The following SRFBP1 variants were observed in gnomAD, a reference collection of about 807,000 sequenced individuals.
SRFBP1 encodes serum response factor binding protein 1.
SRFBP1 carries 47 observed loss-of-function variants against 45.5 expected under a neutral mutation model. That is an observed-to-expected ratio of 1.03 (90% CI 0.82 to 1.32). The LOEUF (loss-of-function observed/expected upper bound fraction) is 1.32, where lower values mean the gene tolerates loss of function less well. SRFBP1 is among the 40% of genes most tolerant of loss of function. The probability of loss-of-function intolerance (pLI) is 0.00; values close to 1 mark genes in which losing one functional copy is unlikely to be tolerated. For missense variants in SRFBP1, 621 were observed against 484.6 expected (o/e 1.28, Z -2.64); for synonymous variants, 203 against 166.3 (o/e 1.22, Z -1.70).
intron 7 of SRFBP1, among the ~76,000 whole-genome samples, chr5:122,023,228 C>T (rs1337820315): frequency 2.6e-5 from 4 of 152,198 alleles, no homozygotes; most frequent in Non-Finnish European, 5.9e-5. Context: ...ATAACTTTTT[C>T]TTCCAGTGAC....
chr5:122,042,625 T>C (rs1181350207), intron 2 of SRFBP1, among the ~76,000 whole-genome samples: 2 of 152,218 alleles, frequency 1.3e-5, no homozygotes, highest in African/African-American at 4.8e-5. Flanking sequence ...TATTTGTGTT[T>C]TATACTTCTT....
Position 121,961,989 on chromosome 5 carries a change from C to A in SRFBP1, c.-44C>A. 1 of 1,613,272 alleles carries A rather than the reference C, an allele frequency of 6.2e-7. No individual in the cohort carries two copies. Among genetic ancestry groups the A allele is most frequent in the Non-Finnish European group, 8.5e-7 (1 of 1,179,760 alleles). On this transcript the variant is annotated 5_prime_UTR_variant, in exon 1 of 8. Coordinates refer to ENST00000339397, the MANE Select transcript of SRFBP1 (RefSeq NM_152546.3). ...GCGACGCAGCCGCGGTCTGAGAGACCGGTTCACGTGCAGGCAGCGGCGGAT... is the reference window on the plus strand; with the variant it reads ...GCGACGCAGCCGCGGTCTGAGAGACAGGTTCACGTGCAGGCAGCGGCGGAT...
chr5:121,988,988 A>G (rs1027492365), intron 3 of SRFBP1, among the ~76,000 whole-genome samples: 4 of 152,170 alleles, frequency 2.6e-5, no homozygotes, highest in Admixed American at 6.5e-5. Flanking sequence ...ATTTGCAGTT[A>G]TATTCAATTT....
chr5:122,059,352 G>C (rs1754135509), intron 2 of SRFBP1, among the ~76,000 whole-genome samples: 1 of 152,046 alleles, frequency 6.6e-6, no homozygotes, highest in African/African-American at 2.4e-5. Flanking sequence ...TGAGGAAACT[G>C]TACCATGTAT....
chr5:122,074,938 C>T (rs1173470054), intron 2 of SRFBP1, among the ~76,000 whole-genome samples: 3 of 152,204 alleles, frequency 2.0e-5, no homozygotes, highest in Non-Finnish European at 4.4e-5. Context: ...GAAAAGGCAA[C>T]CACCTTGGGC....
At chr5:122,062,676 A>T (rs1210347254) in intron 2 of SRFBP1, among the ~76,000 whole-genome samples, 1 of 151,902 alleles carries the variant, frequency 6.6e-6, no homozygotes, top group Admixed American at 6.6e-5. Context: ...TACCTGCAAG[A>T]CTCCTTAAGG....
At chr5:122,024,255 C>G (rs984253692) in intron 7 of SRFBP1, among the ~76,000 whole-genome samples, 4 of 152,206 alleles carry the variant, frequency 2.6e-5, no homozygotes, top group Non-Finnish European at 5.9e-5. Flanking sequence ...TCACTGACAA[C>G]AGTTTTACCT....
chr5:121,999,026 A>C (rs78544925), intron 4 of SRFBP1, among the ~76,000 whole-genome samples: 5,807 of 152,082 alleles, frequency 0.038, 312 homozygotes, highest in African/African-American at 0.11. Context: ...TACATTCTTT[A>C]GATCTTCTTG....
chr5:122,053,001 C>A (rs998065810), intron 2 of SRFBP1, among the ~76,000 whole-genome samples: 3 of 151,828 alleles, frequency 2.0e-5, no homozygotes, highest in Admixed American at 6.6e-5. Flanking sequence ...CTAGTCAGCT[C>A]CTGGGCCTTG....
At position 122,019,275 on chromosome 5, in the gene SRFBP1, A is replaced by G. The variant is rs1379515839; in HGVS notation, c.286A>G (p.Thr96Ala). Reference protein sequence around the residue: ...KIFKKPDSTATERAIARLAVH... With the variant: ...KIFKKPDSTAAERAIARLAVH... ...AAATTTGCAGCCAGATTCTACTGCA[A>G]CTGAAAGAGCAATTGCCAGACTAGC... Residue 96 changes from threonine (T) to alanine (A), a missense_variant, in exon 5 of 8, where the codon ACT becomes GCT. Transcript: ENST00000339397. The G allele has an allele frequency of 1.2e-6, 2 of 1,612,564 alleles. No homozygotes were observed. The highest frequency in any genetic ancestry group is 1.7e-6 in the Non-Finnish European group (2 of 1,179,152).
chr5:122,072,395 A>G (rs565796233), intron 2 of SRFBP1, among the ~76,000 whole-genome samples: 31 of 152,336 alleles, frequency 2.0e-4, no homozygotes, highest in African/African-American at 7.0e-4. Context: ...TAAATCAGCA[A>G]TTTGAGTTTT....
chr5:121,976,902 A>G (rs1487760890), intron 3 of SRFBP1, among the ~76,000 whole-genome samples: 2 of 151,368 alleles, frequency 1.3e-5, no homozygotes, highest in Non-Finnish European at 2.9e-5. Flanking sequence ...CACACACACT[A>G]CATTCTTTCC....
intron 1 of SRFBP1, among the ~76,000 whole-genome samples, chr5:121,963,106 A>T (rs544576934): frequency 3.3e-4 from 51 of 152,314 alleles, no homozygotes; most frequent in Non-Finnish European, 1.9e-4. Context: ...AGGAAAGGGG[A>T]AGAAGTCATT....
At chr5:121,988,595 A>C (rs1421436273) in intron 3 of SRFBP1, among the ~76,000 whole-genome samples, 1 of 152,238 alleles carries the variant, frequency 6.6e-6, no homozygotes, top group Admixed American at 6.5e-5. Context: ...CTAGGTGTTG[A>C]GGGTTTTTAT....
At chr5:122,046,356 TC>T (rs1217603126) in intron 2 of SRFBP1, among the ~76,000 whole-genome samples, 1 of 152,164 alleles carries the variant, frequency 6.6e-6, no homozygotes, top group Admixed American at 6.5e-5. Context: ...TTCATCCATG[TC>T]CCTACAAAGG....
intron 4 of SRFBP1, among the ~76,000 whole-genome samples, chr5:122,007,455 C>T (rs1019681270): frequency 2.0e-5 from 3 of 151,982 alleles, no homozygotes; most frequent in Non-Finnish European, 4.4e-5. Context: ...CTGGTGCTGA[C>T]ATGGTGTCTG....
At chr5:122,029,657 G>C (rs1476815131), downstream of SRFBP1, among the ~76,000 whole-genome samples, 2 of 152,108 alleles carry the variant, frequency 1.3e-5, no homozygotes, top group African/African-American at 2.4e-5. Context: ...CTATGGTTTG[G>C]AAACTTCAGG....
At chr5:122,064,039 A>T (rs1415412120) in intron 2 of SRFBP1, 4 of 151,950 alleles carry the variant, frequency 2.6e-5, no homozygotes, top group Non-Finnish European at 4.4e-5. Flanking sequence ...TGTGGTCTGA[A>T]TCATCATGAG....
At chr5:122,025,447 C>A (rs1753460116) in intron 7 of SRFBP1, among the ~76,000 whole-genome samples, 1 of 152,098 alleles carries the variant, frequency 6.6e-6, no homozygotes, top group Non-Finnish European at 1.5e-5. Context: ...TTTATAGTAG[C>A]ATGATTTATA....
Sources: allele counts gnomAD v4.1 joint callset (sites outside exome capture counted in the v4.1 genomes callset), GRCh38; gene constraint gnomAD v4.1.1; transcripts MANE v1.5; gene names NCBI Gene and HGNC (gene_info 2026-07-23, HGNC 2026-07-21).